AGTPBP1: variants seen among roughly 807,000 people sequenced by gnomAD.
AGTPBP1 encodes the protein cytosolic carboxypeptidase 1.
In AGTPBP1, 70 loss-of-function variants were observed where a neutral mutation model predicts 143.9. The ratio of observed to expected loss-of-function variants is 0.49; its 90% CI spans 0.40 to 0.59. The LOEUF is 0.59. AGTPBP1 is among the 20% of genes least tolerant of loss of function. The probability of loss-of-function intolerance (pLI) is 0.00; values close to 1 mark genes in which losing one functional copy is unlikely to be tolerated. For missense variants in AGTPBP1, 1,229 were observed against 1,464.5 expected, an observed-to-expected ratio of 0.84 and a Z score of 2.62; for synonymous variants, 463 against 500.2, an observed-to-expected ratio of 0.93 and a Z score of 0.99.
At chr9:85,581,717 A>G (rs1015550532) in intron 23 of AGTPBP1, among the ~76,000 whole-genome samples, 1 of 152,224 alleles carries the variant, frequency 6.6e-6, no homozygotes, top group Non-Finnish European at 1.5e-5. Context: ...TGTGGAAGCT[A>G]AATTACATAT....
the AGTPBP1 span, among the ~76,000 whole-genome samples, chr9:85,791,938 A>G: frequency 6.6e-6 from 1 of 152,158 alleles, no homozygotes; most frequent in African/African-American, 2.4e-5. Flanking sequence ...ATGGCCTAAC[A>G]ACATACACTG....
intron 1 of AGTPBP1, among the ~76,000 whole-genome samples, chr9:85,716,805 T>C (rs751095608): frequency 6.6e-6 from 1 of 152,132 alleles, no homozygotes; most frequent in Non-Finnish European, 1.5e-5. Context: ...ACTACTCTGC[T>C]CAAAGCCCTG....
chr9:85,730,812 A>G (rs1172484832), intron 1 of AGTPBP1, among the ~76,000 whole-genome samples: 17 of 151,986 alleles, frequency 1.1e-4, no homozygotes, highest in Admixed American at 1.0e-3. Context: ...TTTACTTCTC[A>G]CTGGTAAATC....
At chr9:85,778,246 T>C in the AGTPBP1 span, among the ~76,000 whole-genome samples, 9 of 152,176 alleles carry the variant, frequency 5.9e-5, no homozygotes, top group African/African-American at 2.2e-4. Context: ...CAGTTCATGA[T>C]AGGCAGTTCA....
the AGTPBP1 span, among the ~76,000 whole-genome samples, chr9:85,757,868 T>A: frequency 6.6e-6 from 1 of 152,196 alleles, no homozygotes; most frequent in Non-Finnish European, 1.5e-5. Flanking sequence ...TTCTGAAGAT[T>A]GAACCAGGCA....
chr9:85,709,183 T>G (rs1039404843), intron 2 of AGTPBP1, among the ~76,000 whole-genome samples: 3 of 152,198 alleles, frequency 2.0e-5, no homozygotes, highest in Non-Finnish European at 4.4e-5. Flanking sequence ...TTGAACATCA[T>G]TCAATATAAT....
intron 15 of AGTPBP1, among the ~76,000 whole-genome samples, chr9:85,620,255 T>C (rs1343456622): frequency 6.6e-6 from 1 of 151,834 alleles, no homozygotes; most frequent in African/African-American, 2.4e-5. Flanking sequence ...CTACTAAAAA[T>C]ACAGAAAAAT....
chr9:85,777,046 G>A, the AGTPBP1 span, among the ~76,000 whole-genome samples: 26 of 152,132 alleles, frequency 1.7e-4, no homozygotes, highest in African/African-American at 4.3e-4. Flanking sequence ...CCATTCCACC[G>A]TTCTATCAGT....
At chr9:85,646,165 A>G (rs1227332339) in intron 12 of AGTPBP1, among the ~76,000 whole-genome samples, 156 bp downstream of exon 12, 2 of 152,212 alleles carry the variant, frequency 1.3e-5, no homozygotes, top group African/African-American at 2.4e-5. Flanking sequence ...ATTTAAACCA[A>G]TATCATCTAC....
chr9:85,571,207 T>C (rs1827437576), intron 25 of AGTPBP1, among the ~76,000 whole-genome samples: 1 of 152,282 alleles, frequency 6.6e-6, no homozygotes, highest in Non-Finnish European at 1.5e-5. Flanking sequence ...AAATAACTAC[T>C]AGCACCGAGG....
intron 14 of AGTPBP1, among the ~76,000 whole-genome samples, chr9:85,631,358 T>A (rs1354254235): frequency 6.6e-6 from 1 of 152,266 alleles, no homozygotes; most frequent in Non-Finnish European, 1.5e-5. Flanking sequence ...ATTTACTGTA[T>A]GCACTGCATG....
chr9:85,660,223 C>T (rs1007369046), intron 9 of AGTPBP1, among the ~76,000 whole-genome samples: 1 of 151,906 alleles, frequency 6.6e-6, no homozygotes, highest in South Asian at 2.1e-4. Flanking sequence ...ATAAAAGCCA[C>T]CCAGCCACCA....
the AGTPBP1 span, chr9:85,805,225 C>G: frequency 6.6e-6 from 1 of 150,584 alleles, no homozygotes; most frequent in Non-Finnish European, 1.5e-5. Context: ...CGCTACCAAC[C>G]GGGAAAATAA....
chr9:85,728,146 G>A (rs1333536537), intron 1 of AGTPBP1, among the ~76,000 whole-genome samples: 2 of 150,742 alleles, frequency 1.3e-5, no homozygotes, highest in East Asian at 1.9e-4. Flanking sequence ...ATCTTAAAAC[G>A]TTTCCATTGT....
intron 1 of AGTPBP1, among the ~76,000 whole-genome samples, chr9:85,718,453 T>G (rs536250357): frequency 6.6e-6 from 1 of 152,246 alleles, no homozygotes; most frequent in African/African-American, 2.4e-5. Context: ...GTCTGTTGAC[T>G]GGATAAATGT....
At chr9:85,563,495 T>TGAAG (rs1826877445) in intron 25 of AGTPBP1, among the ~76,000 whole-genome samples, 1 of 152,208 alleles carries the variant, frequency 6.6e-6, no homozygotes, top group African/African-American at 2.4e-5. Context: ...AGCAAACTGT[T>TGAAG]GAAGGTATGG....
At chr9:85,557,952 G>C (rs1826456534) in intron 25 of AGTPBP1, among the ~76,000 whole-genome samples, 1 of 152,016 alleles carries the variant, frequency 6.6e-6, no homozygotes, top group Admixed American at 6.6e-5. Flanking sequence ...ATAATATGAT[G>C]GTAACTGGTC....
the AGTPBP1 span, among the ~76,000 whole-genome samples, chr9:85,753,682 G>T: frequency 1.3e-5 from 2 of 151,714 alleles, no homozygotes; most frequent in African/African-American, 4.8e-5. Flanking sequence ...AACCCTGGAG[G>T]TGGAGGCTGC....
chr9:85,795,937 T>C, the AGTPBP1 span, among the ~76,000 whole-genome samples: 2 of 145,742 alleles, frequency 1.4e-5, no homozygotes, highest in Non-Finnish European at 3.0e-5. Context: ...TTAGTTACTA[T>C]ATGCAATGAC....
Sources: gnomAD v4.1 joint callset for allele counts (sites outside exome capture counted in the v4.1 genomes callset) on GRCh38, gnomAD v4.1.1 for gene constraint, MANE v1.5 for transcripts, NCBI Gene and HGNC (gene_info 2026-07-23, HGNC 2026-07-21) for gene names.